Variants in NRXN3 observed in about 807,000 individuals in gnomAD.
NRXN3 encodes the protein neurexin III.
Under a neutral mutation model 137.6 loss-of-function variants are expected in NRXN3, and 32 were observed. That is an observed-to-expected ratio of 0.23 (90% CI 0.18 to 0.31). NRXN3 has a LOEUF of 0.31. Among genes scored for constraint, NRXN3 ranks in the 10% least tolerant of loss-of-function variants. The pLI, the probability that NRXN3 is intolerant of heterozygous loss-of-function variation, is 1.00. For synonymous variants in NRXN3, 798 were observed against 784.5 expected, an observed-to-expected ratio of 1.02 and a Z score of -0.29; for missense variants, 1,574 against 2,062.5, an observed-to-expected ratio of 0.76 and a Z score of 4.59.
chr14:78,886,381 A>G lies in NRXN3; in HGVS notation c.2276-70861A>G, dbSNP rs77000210. On this transcript the variant is annotated intron_variant, in intron 10 of 20. Coordinates refer to ENST00000335750, the MANE Select transcript of NRXN3 (RefSeq NM_001330195.2). ...AGAGTTCAGTATATATTCAGTATAT[A>G]TAGTACCTGATACAGAGTTCATGAT... Among the ~76,000 whole-genome samples, 244 of 152,246 alleles carry G rather than the reference A, an allele frequency of 1.6e-3. 4 individuals carry two copies. The East Asian group carries it at 0.037, about 23-fold the overall frequency.
At chr14:78,995,663 A>C (rs531188708) in intron 15 of NRXN3, among the ~76,000 whole-genome samples, 2 of 152,224 alleles carry the variant, frequency 1.3e-5, no homozygotes, top group South Asian at 4.1e-4. Flanking sequence ...AAAAGTTAAA[A>C]ACATGACTCA....
At chr14:79,853,305 A>G (rs1038543566) in intron 20 of NRXN3, among the ~76,000 whole-genome samples, 1 of 152,174 alleles carries the variant, frequency 6.6e-6, no homozygotes, top group Non-Finnish European at 1.5e-5. Flanking sequence ...CTTTTTGATC[A>G]TGACTACTAG....
chr14:79,350,663 T>C (rs542634987), intron 15 of NRXN3, among the ~76,000 whole-genome samples: 8 of 152,264 alleles, frequency 5.3e-5, no homozygotes, highest in Non-Finnish European at 1.2e-4. Context: ...CCCATTTTCT[T>C]GATTCCTATG....
intron 17 of NRXN3, among the ~76,000 whole-genome samples, chr14:79,677,035 A>G (rs1455250393): frequency 1.3e-5 from 2 of 152,146 alleles, no homozygotes; most frequent in African/African-American, 4.8e-5. Flanking sequence ...ACAAAAATAT[A>G]AGTTGTTATA....
At chr14:78,385,795 C>A (rs894596470) in intron 4 of NRXN3, among the ~76,000 whole-genome samples, 7 of 152,170 alleles carry the variant, frequency 4.6e-5, no homozygotes, top group Non-Finnish European at 1.0e-4. Flanking sequence ...GTAAGACACT[C>A]TTTATTCCTC....
At chr14:78,421,324 G>A (rs2093437479) in intron 4 of NRXN3, among the ~76,000 whole-genome samples, 1 of 151,500 alleles carries the variant, frequency 6.6e-6, no homozygotes, top group Admixed American at 6.6e-5. Flanking sequence ...CTGGAGGATT[G>A]TTACTAAATC....
intron 4 of NRXN3, among the ~76,000 whole-genome samples, chr14:78,597,100 A>G (rs2152423426): frequency 6.6e-6 from 1 of 152,306 alleles, no homozygotes; most frequent in East Asian, 1.9e-4. Context: ...AAAGATCCTG[A>G]GGGCATAATC....
chr14:79,378,877 A>T (rs1403754932), intron 15 of NRXN3, among the ~76,000 whole-genome samples: 17 of 63,366 alleles, frequency 2.7e-4, no homozygotes, highest in African/African-American at 4.7e-4. Context: ...GAACAGATTT[A>T]AAAAAAAAAA....
chr14:79,412,270 C>T (rs1270190835), intron 15 of NRXN3, among the ~76,000 whole-genome samples: 1 of 151,986 alleles, frequency 6.6e-6, no homozygotes, highest in African/African-American at 2.4e-5. Context: ...AGGGGAGATA[C>T]CAGATCTTAC....
At chr14:79,753,266 C>T (rs996104228) in intron 19 of NRXN3, among the ~76,000 whole-genome samples, 14 of 151,868 alleles carry the variant, frequency 9.2e-5, no homozygotes, top group African/African-American at 2.9e-4. Context: ...AAGACACATG[C>T]ACACGTATGT....
intron 15 of NRXN3, among the ~76,000 whole-genome samples, chr14:79,310,058 G>C (rs1359255274): frequency 1.5e-5 from 2 of 130,032 alleles, no homozygotes; most frequent in African/African-American, 3.5e-5. Flanking sequence ...AGGTTTTTAT[G>C]GTTTTAGGTC....
intron 15 of NRXN3, among the ~76,000 whole-genome samples, chr14:79,051,427 G>T (rs369385359): frequency 2.6e-5 from 4 of 152,158 alleles, no homozygotes; most frequent in African/African-American, 4.8e-5. Context: ...GCCTTTAGCC[G>T]CACAGGTGGA....
At position 79,165,346 on chromosome 14, in the gene NRXN3, G is replaced by T. The variant is rs554042997; in HGVS notation, c.3262+177205G>T. On this transcript the variant is annotated intron_variant, in intron 15 of 20. Transcript: ENST00000335750. ...ATTAAGTCTGTAGAAGAATGAGAAG[G>T]AATCTTTTATTTGAGGTCTAGAGGT... Among the ~76,000 whole-genome samples, 7 of 152,092 alleles carry T rather than the reference G, an allele frequency of 4.6e-5. No individual in the cohort carries two copies. In the East Asian group the frequency reaches 1.2e-3, roughly 25 times the overall value.
At chr14:79,520,751 C>T (rs889026664) in intron 16 of NRXN3, among the ~76,000 whole-genome samples, 39 of 152,008 alleles carry the variant, frequency 2.6e-4, no homozygotes, top group African/African-American at 8.9e-4. Context: ...TGACAGTCAT[C>T]GAAAAGTCAG....
intron 16 of NRXN3, among the ~76,000 whole-genome samples, chr14:79,554,770 G>A (rs113344718): frequency 2.6e-5 from 4 of 152,188 alleles, no homozygotes; most frequent in African/African-American, 9.6e-5. Context: ...TAGAGAACAG[G>A]TTACAGCACC....
At chr14:78,813,361 A>G (rs2098920640) in intron 10 of NRXN3, among the ~76,000 whole-genome samples, 1 of 152,144 alleles carries the variant, frequency 6.6e-6, no homozygotes, top group Admixed American at 6.5e-5. Context: ...TCTCTGTAAT[A>G]GGTGTGCCGG....
At chr14:78,767,336 CATTTAT>C (rs2098712291) in intron 8 of NRXN3, among the ~76,000 whole-genome samples, 1 of 152,206 alleles carries the variant, frequency 6.6e-6, no homozygotes, top group East Asian at 1.9e-4. Context: ...AATACATTTA[CATTTAT>C]ATTTACTAAT....
chr14:78,412,383 TGTG>T (rs1037371449), intron 4 of NRXN3, among the ~76,000 whole-genome samples: 1 of 152,132 alleles, frequency 6.6e-6, no homozygotes, highest in African/African-American at 2.4e-5. Flanking sequence ...GGAAATAACT[TGTG>T]GTGTACTAAG....
At chr14:79,552,356 G>C (rs936906511) in intron 16 of NRXN3, among the ~76,000 whole-genome samples, 2 of 152,052 alleles carry the variant, frequency 1.3e-5, no homozygotes, top group Non-Finnish European at 2.9e-5. Flanking sequence ...AAGAGTATAG[G>C]GTCCTCACTA....
Sources: gnomAD v4.1 joint callset for allele counts (sites outside exome capture counted in the v4.1 genomes callset) on GRCh38, gnomAD v4.1.1 for gene constraint, MANE v1.5 for transcripts, NCBI Gene and HGNC (gene_info 2026-07-23, HGNC 2026-07-21) for gene names.